The following ZGRF1 variants were observed in gnomAD, a reference collection of about 807,000 sequenced individuals.
The protein encoded by ZGRF1 is zinc finger GRF-type containing 1, also known as 5'-3' DNA helicase ZGRF1.
ZGRF1 carries 196 observed loss-of-function variants against 203.5 expected under a neutral mutation model. The ratio of observed to expected loss-of-function variants is 0.96; its 90% CI spans 0.86 to 1.08. The LOEUF (loss-of-function observed/expected upper bound fraction) is 1.08, where lower values mean the gene tolerates loss of function less well. ZGRF1 is among the 50% of genes least tolerant of loss of function. The probability of loss-of-function intolerance (pLI) is 0.00; values close to 1 mark genes in which losing one functional copy is unlikely to be tolerated. For synonymous variants in ZGRF1, 809 were observed against 841.3 expected (o/e 0.96, Z 0.66); for missense variants, 2,326 against 2,416.3 (o/e 0.96, Z 0.78).
At chr4:112,589,948 T>A in intron 10 of ZGRF1, 74 bp from the exon 11 acceptor site, 2 of 1,035,934 alleles carry the variant, frequency 1.9e-6, no homozygotes, top group East Asian at 2.6e-5. Context: ...TGAATTCTAG[T>A]AATCTATATT....
intron 16 of ZGRF1, among the ~76,000 whole-genome samples, chr4:112,564,109 C>T (rs1384871791): frequency 6.6e-6 from 1 of 152,182 alleles, no homozygotes; most frequent in Non-Finnish European, 1.5e-5. Flanking sequence ...GCTGAGAAAA[C>T]CAACTGCCAG....
At chr4:112,589,598 T>A (rs1747805503) in intron 11 of ZGRF1, 126 bp downstream of exon 11, 1 of 807,758 alleles carries the variant, frequency 1.2e-6, no homozygotes, top group African/African-American at 1.7e-5. Context: ...AGAAAGGTTA[T>A]GGAAAGGCTT....
chr4:112,594,555 C>A (rs1295602536), intron 10 of ZGRF1, among the ~76,000 whole-genome samples: 1 of 151,642 alleles, frequency 6.6e-6, no homozygotes, highest in Non-Finnish European at 1.5e-5. Flanking sequence ...CAGGTTCAAG[C>A]GATTCTCCTG....
intron 6 of ZGRF1, 71 bp from the exon 7 acceptor site, chr4:112,612,659 A>G (rs986179891): frequency 1.1e-5 from 10 of 934,254 alleles, no homozygotes; most frequent in Non-Finnish European, 1.2e-5. Flanking sequence ...ACTTATTCCT[A>G]AAACCAAAAC....
At chr4:112,582,025 T>C (rs773480136) in intron 15 of ZGRF1, among the ~76,000 whole-genome samples, 2 of 152,180 alleles carry the variant, frequency 1.3e-5, no homozygotes, top group African/African-American at 2.4e-5. Context: ...ATCTAAAAGA[T>C]AGAACACCTC....
chr4:112,627,855 C>G (rs930434630), intron 3 of ZGRF1, among the ~76,000 whole-genome samples: 1 of 152,188 alleles, frequency 6.6e-6, no homozygotes, highest in African/African-American at 2.4e-5. Context: ...TCCTGTCTAC[C>G]ACTTTAGCTT....
At chr4:112,544,638 G>C (rs911843857) in intron 24 of ZGRF1, among the ~76,000 whole-genome samples, 5 of 152,174 alleles carry the variant, frequency 3.3e-5, no homozygotes, top group African/African-American at 7.2e-5. Flanking sequence ...AGATCTGAGA[G>C]AGTATCTGAC....
In ZGRF1 at chr4:112,618,031, T is replaced by C. The variant is rs896725660; in HGVS notation, c.2011A>G (p.Ile671Val). The C allele has an allele frequency of 2.5e-6, 4 of 1,613,066 alleles. No individual in the cohort carries two copies. The African/African-American group carries it at 4.0e-5, about 16-fold the overall frequency. Residue 671 changes from isoleucine (I) to valine (V), a missense_variant, in exon 6 of 28, where the codon ATT (isoleucine) becomes GTT (valine). Ile to Val is a conservative substitution (Grantham distance 29). Transcript: ENST00000505019. ...GGGGGTAAAGCAAAATCATAGTTAA[T>C]TCTGACTTCTTGAATAGGTTTATTA... ...DANKPIQEVR[I>V]NYDFALPPNK...
intron 22 of ZGRF1, among the ~76,000 whole-genome samples, chr4:112,549,621 C>T (rs902254995): frequency 5.3e-5 from 8 of 152,182 alleles, no homozygotes; most frequent in South Asian, 2.1e-4. Context: ...GTGGTGATAC[C>T]GGTGTAAACA....
intron 14 of ZGRF1, 73 bp from the exon 15 acceptor site, chr4:112,584,247 C>G (rs1746781601): frequency 1.9e-6 from 2 of 1,046,372 alleles, no homozygotes; most frequent in Non-Finnish European, 2.7e-6. Flanking sequence ...TTGTGTTTGT[C>G]AAGGCTTCTA....
chr4:112,607,203 A>T (rs1578429166), intron 8 of ZGRF1, among the ~76,000 whole-genome samples: 1 of 152,138 alleles, frequency 6.6e-6, no homozygotes, highest in Non-Finnish European at 1.5e-5. Context: ...TTGTTCACTG[A>T]AGCCTTGACC....
In ZGRF1 at chr4:112,553,861, C is replaced by A. The variant is rs1465183365; in HGVS notation, c.5320G>T (p.Gly1774Trp). Residue 1774 changes from glycine (G) to tryptophan (W), a missense_variant, in exon 22 of 28, where the codon GGG (glycine) becomes TGG (tryptophan). By Grantham distance (184) the Gly-to-Trp change is radical (BLOSUM62 -2). Coordinates refer to ENST00000505019, the MANE Select transcript of ZGRF1 (RefSeq NM_018392.5). ...VRKSIEQHKL[G>W]TNRTLLKQVR... ...TGCTTCAGCAGGGTTCTATTGGTCC[C>A]CAGTTTATGCTGCTCAATGCTTTTT... The A allele has an allele frequency of 2.5e-6, 4 of 1,611,646 alleles. No individual in the cohort carries two copies. The highest frequency in any genetic ancestry group is 3.4e-6 in the Non-Finnish European group (4 of 1,179,332).
rs200748166 is a variant in ZGRF1, at chr4:112,581,749, G to C, written c.4352C>G (p.Thr1451Ser). 57 of 1,543,246 alleles carry C rather than the reference G, an allele frequency of 3.7e-5. No homozygotes were observed. The highest frequency in any genetic ancestry group is 4.8e-5 in the Non-Finnish European group (55 of 1,142,010). The change falls in exon 16 of 28, where the codon ACT (threonine) becomes AGT (serine). Residue 1451 changes from threonine (T) to serine (S), a missense_variant. Transcript: ENST00000505019. ...KQYGKLKKFT[T>S]VNPEFYNEPK... ...TTCATTATAAAACTCAGGATTTACAGTAGTAAACTTCTTTAGTTTGCCATA... is the reference window on the plus strand; with the variant it reads ...TTCATTATAAAACTCAGGATTTACACTAGTAAACTTCTTTAGTTTGCCATA...
chr4:112,575,293 G>A (rs1343781540), intron 16 of ZGRF1, among the ~76,000 whole-genome samples: 1 of 152,102 alleles, frequency 6.6e-6, no homozygotes, highest in African/African-American at 2.4e-5. Flanking sequence ...AACATTTGGG[G>A]GGAAGAGCCA....
chr4:112,548,502 A>G lies in ZGRF1; in HGVS notation c.5347-122T>C, dbSNP rs957771125. On this transcript the variant is annotated intron_variant, in intron 22 of 27. Coordinates refer to ENST00000505019, the MANE Select transcript of ZGRF1 (RefSeq NM_018392.5). ...GCTAGTCCTAATTTAATTCCTAGCCATCAGAAATCTTAGGTCATCGTATCT... is the reference window on the plus strand; with the variant it reads ...GCTAGTCCTAATTTAATTCCTAGCCGTCAGAAATCTTAGGTCATCGTATCT... 4 of 684,414 alleles carry G rather than the reference A, an allele frequency of 5.8e-6. No homozygotes were observed. In the African/African-American group the frequency reaches 7.2e-5, roughly 12 times the overall value. The allele number at this position is 684,414 out of a possible 1,614,324, so 42.4% of individuals were successfully genotyped here.
At chr4:112,550,449 T>G (rs1002553752) in intron 22 of ZGRF1, among the ~76,000 whole-genome samples, 1 of 152,194 alleles carries the variant, frequency 6.6e-6, no homozygotes, top group Non-Finnish European at 1.5e-5. Context: ...TTTTAAAAAT[T>G]TTCAACTTTA....
intron 3 of ZGRF1, among the ~76,000 whole-genome samples, chr4:112,628,404 A>T (rs951595077): frequency 6.6e-6 from 1 of 152,202 alleles, no homozygotes; most frequent in Admixed American, 6.5e-5. Context: ...TTGACATTTG[A>T]TGCTAACTGC....
At chr4:112,590,895 A>T (rs545337358) in intron 10 of ZGRF1, among the ~76,000 whole-genome samples, 1 of 150,424 alleles carries the variant, frequency 6.6e-6, no homozygotes, top group South Asian at 2.1e-4. Flanking sequence ...ATTACACTCC[A>T]GCCTAGGCAA....
At chr4:112,587,197 C>A in intron 12 of ZGRF1, 83 bp downstream of exon 12, 1 of 1,309,258 alleles carries the variant, frequency 7.6e-7, no homozygotes, top group Non-Finnish European at 1.0e-6. Context: ...TGCTCCTATG[C>A]AGTATATTTT....
Sources: gnomAD v4.1 joint callset for allele counts (sites outside exome capture counted in the v4.1 genomes callset) on GRCh38, gnomAD v4.1.1 for gene constraint, MANE v1.5 for transcripts, NCBI Gene and HGNC (gene_info 2026-07-23, HGNC 2026-07-21) for gene names.